DGKI: variants seen among roughly 807,000 people sequenced by gnomAD.
DGKI encodes DAG kinase iota.
DGKI carries 55 observed loss-of-function variants against 147.5 expected under a neutral mutation model. That is an observed-to-expected ratio of 0.37 (90% CI 0.30 to 0.47). DGKI has a LOEUF of 0.47. Ranked by LOEUF, DGKI falls within the 20% of genes least tolerant of loss-of-function variation. DGKI has a pLI of 1.00. For missense variants in DGKI, 1,007 were observed against 1,323.8 expected, an observed-to-expected ratio of 0.76 and a Z score of 3.71; for synonymous variants, 469 against 477.1, an observed-to-expected ratio of 0.98 and a Z score of 0.22.
Position 137,384,692 on chromosome 7 carries a change from T to C in DGKI, c.*6528A>G, listed in dbSNP as rs1811135204. ...CAAACATGTCAATACATCATAACGC[T>C]AAAGCACTTTTTAATTCTTGAAACT... On this transcript the variant is annotated 3_prime_UTR_variant, in exon 33 of 33. Transcript: ENST00000614521. 1 of 152,054 alleles carries C rather than the reference T, an allele frequency of 6.6e-6. No homozygotes were observed. The highest frequency in any genetic ancestry group is 2.1e-4 in the South Asian group (1 of 4,828). 9.4% of individuals were successfully genotyped at this position (152,054 alleles called of 1,614,324 possible). A position where few individuals can be genotyped will look rare whatever the true frequency, so the allele number is the denominator to read the frequency against.
rs1185519657 is a variant in DGKI, at chr7:137,842,432, T to A, written c.401+4030A>T. On this transcript the variant is annotated intron_variant, in intron 1 of 32. Transcript: ENST00000614521. ...TTAATACTCCTTGCTCCTATTTCTA[T>A]CTCATACCAAAAACTTCCTTTAAGA... is the stretch of plus-strand genomic sequence containing the variant. 3.3e-5 allele frequency among the ~76,000 whole-genome samples: 5 copies of A among 152,208 alleles called. No homozygotes were observed. The East Asian group carries it at 9.6e-4, about 29-fold the overall frequency.
intron 24 of DGKI, among the ~76,000 whole-genome samples, chr7:137,469,245 A>G (rs1351049663): frequency 2.0e-5 from 3 of 152,206 alleles, no homozygotes; most frequent in Non-Finnish European, 2.9e-5. Context: ...ACTGGTCTGA[A>G]TTAATTTAAG....
At chr7:137,805,724 T>C (rs1185456606) in intron 1 of DGKI, among the ~76,000 whole-genome samples, 1 of 152,224 alleles carries the variant, frequency 6.6e-6, no homozygotes, top group Non-Finnish European at 1.5e-5. Flanking sequence ...GAAGGCACCC[T>C]TCATAACATT....
chr7:137,422,991 T>C (rs1164876551), intron 28 of DGKI, among the ~76,000 whole-genome samples: 1 of 152,180 alleles, frequency 6.6e-6, no homozygotes, highest in Non-Finnish European at 1.5e-5. Context: ...TGAAATAATA[T>C]GTGTGTTGGA....
In DGKI at chr7:137,469,455, A is replaced by C. The variant is rs975870714; in HGVS notation, c.2443+95T>G. ...GGAGTCACATGAAGGCTTTCTGAAT[A>C]ATCTTTTGGAAAACTAGAGCCCACC... On this transcript the variant is annotated intron_variant, in intron 24 of 32. Coordinates refer to ENST00000614521, the MANE Select transcript of DGKI (RefSeq NM_001321708.2). 17 of 1,278,758 alleles carry C rather than the reference A, an allele frequency of 1.3e-5. No individual in the cohort carries two copies. In the Admixed American group the frequency reaches 3.0e-4, roughly 23 times the overall value. 79.2% of individuals were successfully genotyped at this position (1,278,758 alleles called of 1,614,324 possible).
rs575892747 is a variant in DGKI, at chr7:137,640,408, G to T, written c.804+5064C>A. ...GGCAGGGGCTTTATGGAGCATCCTG[G>T]ATTCCTTGCCCTTGTACTGCCCTCT... On this transcript the variant is annotated intron_variant, in intron 6 of 32. Transcript: ENST00000614521. Among the ~76,000 whole-genome samples, 6 of 152,208 alleles carry T rather than the reference G, an allele frequency of 3.9e-5. No homozygotes were observed. The South Asian group carries it at 1.2e-3, about 32-fold the overall frequency.
chr7:137,484,477 T>A (rs1277554145), intron 23 of DGKI, among the ~76,000 whole-genome samples: 4 of 152,176 alleles, frequency 2.6e-5, no homozygotes, highest in South Asian at 2.1e-4. Flanking sequence ...TGGCATGCTG[T>A]GATTCCCACA....
Position 137,635,688 on chromosome 7 carries a change from T to C in DGKI, c.804+9784A>G, listed in dbSNP as rs149359134. 4.1e-3 allele frequency among the ~76,000 whole-genome samples: 632 copies of C among 152,316 alleles called. 4 individuals carry two copies. Among genetic ancestry groups the C allele is most frequent in the African/African-American group, 0.015 (611 of 41,574 alleles). On this transcript the variant is annotated intron_variant, in intron 6 of 32. Transcript: ENST00000614521. ...GAATAATCTTTTGAAAATATAACAC[T>C]GGCTTCAGCTTTGAGAAAATATCCT...
intron 1 of DGKI, among the ~76,000 whole-genome samples, chr7:137,770,985 G>A (rs548918977): frequency 1.3e-5 from 2 of 152,176 alleles, no homozygotes; most frequent in African/African-American, 4.8e-5. Context: ...AGTAAATAAG[G>A]AGTGAATCTG....
chr7:137,557,719 T>C (rs907656102), intron 19 of DGKI, among the ~76,000 whole-genome samples: 4 of 152,162 alleles, frequency 2.6e-5, no homozygotes, highest in African/African-American at 4.8e-5. Flanking sequence ...CAGGCGAACC[T>C]GTCCCTGTGG....
chr7:137,580,952 T>C (rs527892163), intron 15 of DGKI, among the ~76,000 whole-genome samples: 2 of 152,248 alleles, frequency 1.3e-5, no homozygotes, highest in East Asian at 1.9e-4. Flanking sequence ...GTTCTGGTTA[T>C]ATATATTCAG....
At chr7:137,743,909 G>A (rs973410111) in intron 1 of DGKI, among the ~76,000 whole-genome samples, 3 of 151,420 alleles carry the variant, frequency 2.0e-5, no homozygotes, top group Non-Finnish European at 4.4e-5. Flanking sequence ...TGTGAACTCG[G>A]GAGGCAGAGG....
intron 1 of DGKI, among the ~76,000 whole-genome samples, chr7:137,812,857 T>A (rs1352372197): frequency 6.6e-6 from 1 of 152,198 alleles, no homozygotes; most frequent in Admixed American, 6.5e-5. Flanking sequence ...TATATAGTCA[T>A]ATTTGAGGCA....
At chr7:137,599,229 C>T (rs1160524981) in intron 11 of DGKI, among the ~76,000 whole-genome samples, 1 of 152,100 alleles carries the variant, frequency 6.6e-6, no homozygotes, top group Non-Finnish European at 1.5e-5. Flanking sequence ...TATGGGTCAC[C>T]TACAATCTAG....
chr7:137,825,600 AC>A (rs1020758739), intron 1 of DGKI, among the ~76,000 whole-genome samples: 5 of 151,870 alleles, frequency 3.3e-5, no homozygotes, highest in African/African-American at 1.2e-4. Flanking sequence ...ACAGGCATGC[AC>A]CCCCCAACAC....
At chr7:137,405,177 C>T (rs1478231332) in intron 30 of DGKI, among the ~76,000 whole-genome samples, 2 of 152,156 alleles carry the variant, frequency 1.3e-5, no homozygotes, top group Admixed American at 1.3e-4. Context: ...CTGCTGTTTT[C>T]ATTTTTAGTA....
chr7:137,595,105 T>A (rs1020866264), intron 12 of DGKI, among the ~76,000 whole-genome samples: 67 of 152,176 alleles, frequency 4.4e-4, no homozygotes, highest in African/African-American at 1.6e-3. Flanking sequence ...ATAATGTCCC[T>A]AAGAGGAAAA....
intron 23 of DGKI, among the ~76,000 whole-genome samples, chr7:137,472,228 CATATA>C (rs569377926): frequency 0.032 from 3,293 of 103,704 alleles, 191 homozygotes; most frequent in East Asian, 0.1. Flanking sequence ...TGTATATATA[CATATA>C]ATATATGTAT....
rs369644473 is a variant in DGKI at position 137,634,174 on chromosome 7, G to A, written c.805-10620C>T. Among the ~76,000 whole-genome samples, 29 of 152,264 alleles carry A rather than the reference G, an allele frequency of 1.9e-4. 1 individual carries two copies. In the South Asian group the frequency reaches 5.2e-3, roughly 27 times the overall value. ...CTTTATTTGGCCTTTCTGGGTTCTG[G>A]AGGCAGCACATTCTACATTTAGGAA... On this transcript the variant is annotated intron_variant, in intron 6 of 32. Coordinates refer to ENST00000614521, the MANE Select transcript of DGKI (RefSeq NM_001321708.2).
Sources: gnomAD v4.1 joint callset for allele counts (sites outside exome capture counted in the v4.1 genomes callset) on GRCh38, gnomAD v4.1.1 for gene constraint, MANE v1.5 for transcripts, NCBI Gene and HGNC (gene_info 2026-07-23, HGNC 2026-07-21) for gene names.